CTNND2: variants seen among roughly 807,000 people sequenced by gnomAD.
CTNND2 encodes the protein catenin delta-2.
A neutral mutation model predicts 144.4 loss-of-function variants in CTNND2; 22 were observed. The observed-to-expected ratio is 0.15, with a 90% CI of 0.11 to 0.22. The LOEUF is 0.22. CTNND2 is among the 10% of genes least tolerant of loss of function. CTNND2 has a pLI of 1.00. For missense variants in CTNND2, 1,353 were observed against 1,618.8 expected, an observed-to-expected ratio of 0.84 and a Z score of 2.82; for synonymous variants, 751 against 695.6, an observed-to-expected ratio of 1.08 and a Z score of -1.25.
intron 1 of CTNND2, among the ~76,000 whole-genome samples, chr5:11,737,287 C>A (rs1787740518): frequency 6.6e-6 from 1 of 152,172 alleles, no homozygotes; most frequent in Non-Finnish European, 1.5e-5. Flanking sequence ...ACCCCTTTGA[C>A]TTTGTTTTTG....
intron 7 of CTNND2, among the ~76,000 whole-genome samples, chr5:11,369,497 T>A (rs1581034518): frequency 6.6e-6 from 1 of 152,252 alleles, no homozygotes; most frequent in African/African-American, 2.4e-5. Context: ...ATGTATTTAT[T>A]ATTTTTGGAA....
chr5:11,288,389 T>C (rs1003786986), intron 9 of CTNND2, among the ~76,000 whole-genome samples: 1 of 151,800 alleles, frequency 6.6e-6, no homozygotes, highest in African/African-American at 2.4e-5. Flanking sequence ...TTTAACACCA[T>C]GTCAATTATG....
intron 3 of CTNND2, among the ~76,000 whole-genome samples, chr5:11,542,548 C>T (rs1177498916): frequency 6.6e-6 from 1 of 152,006 alleles, no homozygotes; most frequent in Non-Finnish European, 1.5e-5. Context: ...AAATATGTTC[C>T]CATACATTCC....
chr5:11,879,345 A>ATATATATATATATATATATATATATG (rs1735828934), intron 1 of CTNND2, among the ~76,000 whole-genome samples: 2 of 130,890 alleles, frequency 1.5e-5, no homozygotes, highest in Non-Finnish European at 3.3e-5. Context: ...ATGTGTGTAT[A>ATATATATATATATATATATATATATG]TATATATATA....
chr5:11,421,341 A>G (rs1762347289), intron 3 of CTNND2, among the ~76,000 whole-genome samples: 1 of 152,064 alleles, frequency 6.6e-6, no homozygotes, highest in Non-Finnish European at 1.5e-5. Context: ...GTGACTTTCC[A>G]GCTGTCACCC....
chr5:10,972,691 G>A lies in CTNND2; in HGVS notation c.*762C>T, dbSNP rs1280374399. ...GTGGAATGATGTATGTTAATTGTCAGAAACTGCTGAATGCCTTGTTTAGTT... is the reference window on the plus strand; with the variant it reads ...GTGGAATGATGTATGTTAATTGTCAAAAACTGCTGAATGCCTTGTTTAGTT... On this transcript the variant is annotated 3_prime_UTR_variant, in exon 22 of 22. Coordinates refer to ENST00000304623, the MANE Select transcript of CTNND2 (RefSeq NM_001332.4). The A allele has an allele frequency of 6.6e-6, 1 of 152,544 alleles. No homozygotes were observed. The highest frequency in any genetic ancestry group is 1.5e-5 in the Non-Finnish European group (1 of 68,018). The allele number at this position is 152,544 out of a possible 1,614,324, so 9.4% of individuals were successfully genotyped here. A position where few individuals can be genotyped will look rare whatever the true frequency, so the allele number is the denominator to read the frequency against.
intron 14 of CTNND2, 146 bp downstream of exon 14, chr5:11,110,712 A>T: frequency 2.7e-6 from 2 of 751,308 alleles, no homozygotes; most frequent in Non-Finnish European, 4.2e-6. Flanking sequence ...CTCAGCTGTG[A>T]AATTCCCACA....
intron 1 of CTNND2, among the ~76,000 whole-genome samples, chr5:11,768,316 G>T (rs540591561): frequency 6.5e-4 from 95 of 145,580 alleles, no homozygotes; most frequent in African/African-American, 2.6e-3. Flanking sequence ...TTGTGACAGA[G>T]TCTCACTGTG....
intron 2 of CTNND2, among the ~76,000 whole-genome samples, chr5:11,675,858 T>A (rs1294368174): frequency 1.3e-5 from 2 of 151,656 alleles, no homozygotes; most frequent in African/African-American, 2.4e-5. Flanking sequence ...TGATCTTCAA[T>A]CTCTGATATC....
chr5:11,184,899 C>T (rs981307311), intron 11 of CTNND2, among the ~76,000 whole-genome samples: 2 of 152,090 alleles, frequency 1.3e-5, no homozygotes, highest in Non-Finnish European at 2.9e-5. Context: ...TGTTTGAACC[C>T]GCAGCACTCG....
At chr5:11,829,215 G>A (rs1244911696) in intron 1 of CTNND2, among the ~76,000 whole-genome samples, 1 of 152,174 alleles carries the variant, frequency 6.6e-6, no homozygotes, top group Non-Finnish European at 1.5e-5. Context: ...CAAAAGAAAA[G>A]TAAAACCCCA....
chr5:11,704,560 T>C (rs182859880), intron 2 of CTNND2, among the ~76,000 whole-genome samples: 1 of 152,256 alleles, frequency 6.6e-6, no homozygotes, highest in East Asian at 1.9e-4. Context: ...GAGGATGTTC[T>C]AGCAAACATT....
chr5:10,981,608 G>T (rs58618024), intron 21 of CTNND2, among the ~76,000 whole-genome samples, 165 bp downstream of exon 21: 1 of 151,298 alleles, frequency 6.6e-6, no homozygotes, highest in Admixed American at 6.6e-5. Context: ...CACACACACA[G>T]AGACACACAC....
chr5:11,593,597 G>C (rs1438636153), intron 2 of CTNND2, among the ~76,000 whole-genome samples: 1 of 152,190 alleles, frequency 6.6e-6, no homozygotes, highest in Non-Finnish European at 1.5e-5. Flanking sequence ...TCATGATAGT[G>C]AATAAGTCTC....
At chr5:11,770,159 G>C (rs974102894) in intron 1 of CTNND2, among the ~76,000 whole-genome samples, 26 of 152,090 alleles carry the variant, frequency 1.7e-4, no homozygotes, top group African/African-American at 5.8e-4. Flanking sequence ...AAACTCCCTA[G>C]GGCTTAGGAG....
intron 1 of CTNND2, among the ~76,000 whole-genome samples, chr5:11,807,874 T>C (rs1264620108): frequency 6.6e-6 from 1 of 152,204 alleles, no homozygotes; most frequent in Non-Finnish European, 1.5e-5. Flanking sequence ...AATTAACTTA[T>C]ATTATTAATG....
At chr5:11,368,326 C>T (rs1757164001) in intron 7 of CTNND2, among the ~76,000 whole-genome samples, 1 of 152,198 alleles carries the variant, frequency 6.6e-6, no homozygotes, top group Non-Finnish European at 1.5e-5. Flanking sequence ...TTCTTCACCA[C>T]AGCTACAGGT....
At chr5:11,383,792 CG>C in intron 7 of CTNND2, among the ~76,000 whole-genome samples, 1 of 152,240 alleles carries the variant, frequency 6.6e-6, no homozygotes, top group East Asian at 1.9e-4. Context: ...ACAATAAATC[CG>C]GGTTAGTTGT....
chr5:11,349,944 T>C lies in CTNND2; in HGVS notation c.1373-3317A>G, dbSNP rs553724584. On this transcript the variant is annotated intron_variant, in intron 8 of 21. Coordinates refer to ENST00000304623, the MANE Select transcript of CTNND2 (RefSeq NM_001332.4). ...TGAGGTCAGGAGTTCCAGACTAGCC[T>C]GGTCAATGTGGTGAAACCCCATCTC... Among the ~76,000 whole-genome samples the C allele has an allele frequency of 1.1e-4, 16 of 152,314 alleles. No homozygotes were observed. The East Asian group carries it at 3.1e-3, about 29-fold the overall frequency.
Sources: allele counts gnomAD v4.1 joint callset (sites outside exome capture counted in the v4.1 genomes callset), GRCh38; gene constraint gnomAD v4.1.1; transcripts MANE v1.5; gene names NCBI Gene and HGNC (gene_info 2026-07-23, HGNC 2026-07-21).